CAMK1D: variants seen among roughly 807,000 people sequenced by gnomAD.
The protein encoded by CAMK1D is calcium/calmodulin dependent protein kinase ID.
Under a neutral mutation model 47.7 loss-of-function variants are expected in CAMK1D, and 9 were observed. The ratio of observed to expected loss-of-function variants is 0.19; its 90% confidence interval spans 0.11 to 0.33. The LOEUF (loss-of-function observed/expected upper bound fraction) is 0.33, where lower values mean the gene tolerates loss of function less well. Among genes scored for constraint, CAMK1D ranks in the 10% least tolerant of loss-of-function variants. The pLI is 1.00. For synonymous variants in CAMK1D, 184 were observed against 184.9 expected (o/e 0.99, Z 0.04); for missense variants, 291 against 488.7 (o/e 0.60, Z 3.81).
At chr10:12,397,831 A>G (rs1285502080) in intron 1 of CAMK1D, among the ~76,000 whole-genome samples, 2 of 152,206 alleles carry the variant, frequency 1.3e-5, no homozygotes, top group African/African-American at 2.4e-5. Flanking sequence ...ATCGCAGGTA[A>G]ACTGTACATT....
intron 6 of CAMK1D, among the ~76,000 whole-genome samples, chr10:12,809,887 C>G (rs1012944226): frequency 1.3e-5 from 2 of 152,072 alleles, no homozygotes; most frequent in Non-Finnish European, 2.9e-5. Context: ...CACAGTGGCT[C>G]ACACCTGTAA....
chr10:12,454,862 T>A (rs1008497366), intron 1 of CAMK1D, among the ~76,000 whole-genome samples: 3 of 152,220 alleles, frequency 2.0e-5, no homozygotes, highest in African/African-American at 7.2e-5. Flanking sequence ...AAATTTTAGG[T>A]GAATGACAGT....
chr10:12,420,382 T>G (rs531361345), intron 1 of CAMK1D, among the ~76,000 whole-genome samples: 1 of 152,374 alleles, frequency 6.6e-6, no homozygotes, highest in South Asian at 2.1e-4. Context: ...ACTTTAATGA[T>G]TTTACTTTAA....
intron 2 of CAMK1D, among the ~76,000 whole-genome samples, chr10:12,647,145 CTT>C (rs397693477): frequency 4.0e-4 from 31 of 76,816 alleles, no homozygotes; most frequent in East Asian, 8.6e-4. Flanking sequence ...CCAGGCTAGC[CTT>C]TTTTTTTTTT....
intron 5 of CAMK1D, among the ~76,000 whole-genome samples, chr10:12,770,484 C>T (rs143712205): frequency 2.8e-4 from 42 of 152,296 alleles, no homozygotes; most frequent in African/African-American, 1.0e-3. Context: ...TCATGCATTC[C>T]TTCATTCATT....
chr10:12,552,864 C>G (rs1223419730), intron 1 of CAMK1D, among the ~76,000 whole-genome samples: 1 of 152,318 alleles, frequency 6.6e-6, no homozygotes, highest in East Asian at 1.9e-4. Context: ...GCCTCAGCCT[C>G]CCAAGTAGCT....
intron 2 of CAMK1D, among the ~76,000 whole-genome samples, chr10:12,622,844 G>C (rs1359769865): frequency 6.6e-6 from 1 of 152,036 alleles, no homozygotes; most frequent in Non-Finnish European, 1.5e-5. Flanking sequence ...AGGGGAGGAT[G>C]TAGGAGTGAG....
intron 2 of CAMK1D, among the ~76,000 whole-genome samples, chr10:12,649,103 A>T (rs1839890441): frequency 6.6e-6 from 1 of 152,190 alleles, no homozygotes; most frequent in Non-Finnish European, 1.5e-5. Flanking sequence ...CCTGGCTTCA[A>T]GCAGGCCTCT....
At chr10:12,813,037 G>C (rs1474507666) in intron 6 of CAMK1D, among the ~76,000 whole-genome samples, 5 of 152,236 alleles carry the variant, frequency 3.3e-5, no homozygotes, top group Admixed American at 6.5e-5. Context: ...ATGAATTGTA[G>C]TGGGTCTAGT....
intron 2 of CAMK1D, among the ~76,000 whole-genome samples, chr10:12,605,163 G>C (rs1275348083): frequency 1.3e-5 from 2 of 152,224 alleles, no homozygotes; most frequent in Non-Finnish European, 1.5e-5. Flanking sequence ...TGGGATTAGA[G>C]GCATGAGCCA....
At chr10:12,778,868 A>C (rs546209470) in intron 5 of CAMK1D, among the ~76,000 whole-genome samples, 27 of 151,238 alleles carry the variant, frequency 1.8e-4, no homozygotes, top group African/African-American at 6.4e-4. Flanking sequence ...GTGAGACCCC[A>C]TCTCTAAAAA....
intron 3 of CAMK1D, among the ~76,000 whole-genome samples, chr10:12,684,260 A>G (rs1832564248): frequency 6.6e-6 from 1 of 152,138 alleles, no homozygotes; most frequent in South Asian, 2.1e-4. Flanking sequence ...GTTTTGTGAC[A>G]TTGAGAACTT....
At chr10:12,661,555 C>CAT (rs1347329959) in intron 2 of CAMK1D, among the ~76,000 whole-genome samples, 1 of 152,170 alleles carries the variant, frequency 6.6e-6, no homozygotes, top group Non-Finnish European at 1.5e-5. Context: ...AGTCTTAACA[C>CAT]ATAGTTAACA....
chr10:12,370,537 C>T (rs1837973373), intron 1 of CAMK1D, among the ~76,000 whole-genome samples: 2 of 152,074 alleles, frequency 1.3e-5, no homozygotes, highest in South Asian at 2.1e-4. Flanking sequence ...TCCAGTGGGA[C>T]AAGATGTGGA....
chr10:12,452,115 G>T (rs1833101545), intron 1 of CAMK1D, among the ~76,000 whole-genome samples: 1 of 152,152 alleles, frequency 6.6e-6, no homozygotes, highest in Non-Finnish European at 1.5e-5. Context: ...GGATCCCTTT[G>T]CAAGCCTGTT....
At chr10:12,474,779 G>T (rs564586344) in intron 1 of CAMK1D, among the ~76,000 whole-genome samples, 204 of 151,762 alleles carry the variant, frequency 1.3e-3, no homozygotes, top group Admixed American at 3.2e-3. Context: ...CCCAGTATCC[G>T]TTGTTCCCCT....
At chr10:12,714,330 A>C (rs1259914103) in intron 3 of CAMK1D, among the ~76,000 whole-genome samples, 1 of 152,250 alleles carries the variant, frequency 6.6e-6, no homozygotes, top group East Asian at 1.9e-4. Flanking sequence ...AAAATGGAAC[A>C]GTACACTTAC....
intron 1 of CAMK1D, among the ~76,000 whole-genome samples, chr10:12,518,008 A>T (rs576146431): frequency 9.5e-4 from 144 of 152,336 alleles, no homozygotes; most frequent in African/African-American, 3.5e-3. Context: ...CAGTGAAATT[A>T]CTTGGACCTT....
chr10:12,574,696 T>C (rs998688735), intron 2 of CAMK1D, among the ~76,000 whole-genome samples: 2 of 152,046 alleles, frequency 1.3e-5, no homozygotes. Context: ...AAGAACTACC[T>C]GAGACTGGGT....
Sources: allele counts gnomAD v4.1 joint callset (sites outside exome capture counted in the v4.1 genomes callset), GRCh38; gene constraint gnomAD v4.1.1; transcripts MANE v1.5; gene names NCBI Gene and HGNC (gene_info 2026-07-23, HGNC 2026-07-21).